DLC1: variants seen among roughly 807,000 people sequenced by gnomAD.
DLC1 encodes rho GTPase-activating protein 7.
In DLC1, 54 loss-of-function variants were observed where a neutral mutation model predicts 140.3. The observed-to-expected ratio is 0.38, with a 90% confidence interval of 0.31 to 0.48. The LOEUF (loss-of-function observed/expected upper bound fraction) is 0.48. Ranked by LOEUF, DLC1 falls within the 20% of genes least tolerant of loss-of-function variation. DLC1 has a pLI of 0.96. For missense variants in DLC1, 2,536 were observed against 1,907.0 expected (o/e 1.33, Z -6.14); for synonymous variants, 986 against 728.1 (o/e 1.35, Z -5.70).
At chr8:13,317,655 G>A (rs569433728) in intron 4 of DLC1, among the ~76,000 whole-genome samples, 20 of 152,236 alleles carry the variant, frequency 1.3e-4, no homozygotes, top group African/African-American at 4.8e-4. Context: ...GGAATGAGGG[G>A]TAGGGAGGGC....
chr8:13,206,401 TTTCTAATACGTC>T (rs1369673370), intron 5 of DLC1, among the ~76,000 whole-genome samples: 1 of 152,170 alleles, frequency 6.6e-6, no homozygotes, highest in Non-Finnish European at 1.5e-5. Context: ...AGCACAGATG[TTTCTAATACGTC>T]TCGGCTTATA....
At chr8:13,287,048 G>A (rs1169761607) in intron 5 of DLC1, among the ~76,000 whole-genome samples, 1 of 152,170 alleles carries the variant, frequency 6.6e-6, no homozygotes, top group Non-Finnish European at 1.5e-5. Flanking sequence ...TCTTTTGTGT[G>A]TATATGTGTT....
chr8:13,418,522 T>G (rs1157985284), intron 2 of DLC1, among the ~76,000 whole-genome samples: 1 of 152,172 alleles, frequency 6.6e-6, no homozygotes, highest in African/African-American at 2.4e-5. Flanking sequence ...ATCAGATAGT[T>G]GTAGATAAGC....
At chr8:13,382,256 C>G (rs1015070653) in intron 4 of DLC1, among the ~76,000 whole-genome samples, 1 of 151,658 alleles carries the variant, frequency 6.6e-6, no homozygotes, top group African/African-American at 2.4e-5. Flanking sequence ...GCCTGTAATC[C>G]CAGCACTTTG....
intron 1 of DLC1, among the ~76,000 whole-genome samples, chr8:13,581,721 G>C (rs1313177454): frequency 6.6e-6 from 1 of 152,148 alleles, no homozygotes; most frequent in African/African-American, 2.4e-5. Flanking sequence ...TTACTGGGCA[G>C]AATCTATTCT....
intron 4 of DLC1, among the ~76,000 whole-genome samples, chr8:13,319,481 G>T (rs112974647): frequency 0.024 from 2,905 of 121,764 alleles, 107 homozygotes; most frequent in African/African-American, 0.082. Context: ...GGGCGGGGGG[G>T]GGGGGTGGAT....
At chr8:13,439,788 C>T (rs1053413011) in intron 2 of DLC1, among the ~76,000 whole-genome samples, 1 of 152,142 alleles carries the variant, frequency 6.6e-6, no homozygotes, top group African/African-American at 2.4e-5. Flanking sequence ...ACCCTCGCTG[C>T]CTATATTTCC....
chr8:13,452,949 C>T (rs940811624), intron 2 of DLC1, among the ~76,000 whole-genome samples: 3 of 152,080 alleles, frequency 2.0e-5, no homozygotes, highest in African/African-American at 7.2e-5. Flanking sequence ...AATTAAATAA[C>T]AATAGTAGCT....
chr8:13,187,291 G>C (rs183786451), intron 5 of DLC1, among the ~76,000 whole-genome samples: 4 of 152,304 alleles, frequency 2.6e-5, no homozygotes, highest in Admixed American at 2.0e-4. Context: ...TTTAGTCACT[G>C]ATGTGTCCCT....
rs1382435951 is a variant in DLC1 at position 13,088,652 on chromosome 8, G to C, written c.4127C>G (p.Ala1376Gly). 6.2e-7 allele frequency: 1 copy of C among 1,614,142 alleles called. No homozygotes were observed. Among genetic ancestry groups the C allele is most frequent in the Non-Finnish European group, 8.5e-7 (1 of 1,180,042 alleles). Residue 1376 changes from alanine (A) to glycine (G), a missense_variant, in exon 16 of 18, where the codon GCT becomes GGT. Transcript: ENST00000276297. ...GCGCTTTAAGATTTCCTCTGGCACA[G>C]CAGGGACTTCAATGACTGACCTCCA... ...RLWRSVIEVP[A>G]VPEEILKRLL...
intron 1 of DLC1, among the ~76,000 whole-genome samples, chr8:13,542,451 C>G (rs571028416): frequency 4.1e-4 from 63 of 152,204 alleles, no homozygotes; most frequent in African/African-American, 1.5e-3. Context: ...ACTATTGTAA[C>G]TGTATATTAA....
intron 1 of DLC1, among the ~76,000 whole-genome samples, chr8:13,532,532 C>G (rs551817746): frequency 1.3e-5 from 2 of 152,296 alleles, no homozygotes; most frequent in Admixed American, 6.5e-5. Flanking sequence ...GTCAGAGTCC[C>G]CACATGGGAA....
At chr8:13,399,516 A>G (rs749235713) in intron 3 of DLC1, among the ~76,000 whole-genome samples, 13 of 152,288 alleles carry the variant, frequency 8.5e-5, no homozygotes, top group Non-Finnish European at 1.6e-4. Context: ...CTTAGCACTC[A>G]CTAAATACTT....
intron 5 of DLC1, among the ~76,000 whole-genome samples, chr8:13,215,837 G>A (rs1008610062): frequency 1.3e-5 from 2 of 152,092 alleles, no homozygotes; most frequent in East Asian, 3.9e-4. Context: ...GGACTAGTGC[G>A]CAAGCCCGTG....
intron 1 of DLC1, among the ~76,000 whole-genome samples, chr8:13,508,197 C>G (rs1802192139): frequency 6.6e-6 from 1 of 152,180 alleles, no homozygotes; most frequent in South Asian, 2.1e-4. Context: ...CAGATACTGG[C>G]AGTGTTTGAC....
Position 13,151,116 on chromosome 8 carries a change from A to T in DLC1, c.1349-35459T>A, listed in dbSNP as rs181490194. ...TTACAAGAGGAGAATGTGAATCCTTATAAAACACGGGTAAAGATCTGTGGG... is the reference window on the plus strand; with the variant it reads ...TTACAAGAGGAGAATGTGAATCCTTTTAAAACACGGGTAAAGATCTGTGGG... On this transcript the variant is annotated intron_variant, in intron 5 of 17. Coordinates refer to ENST00000276297, the MANE Select transcript of DLC1 (RefSeq NM_182643.3). 5.9e-5 allele frequency among the ~76,000 whole-genome samples: 9 copies of T among 152,346 alleles called. No individual in the cohort carries two copies. In the East Asian group the frequency reaches 1.7e-3, roughly 29 times the overall value.
intron 2 of DLC1, among the ~76,000 whole-genome samples, chr8:13,484,838 G>C (rs1397014454): frequency 6.6e-6 from 1 of 151,820 alleles, no homozygotes; most frequent in Admixed American, 6.6e-5. Context: ...GGTACCTACT[G>C]ACCATGACAG....
intron 2 of DLC1, among the ~76,000 whole-genome samples, chr8:13,465,714 A>T (rs891398898): frequency 3.9e-5 from 6 of 152,116 alleles, no homozygotes; most frequent in African/African-American, 1.2e-4. Flanking sequence ...GTTTCTCTAA[A>T]TAGATTTTCT....
chr8:13,572,233 G>A (rs1804683808), intron 1 of DLC1, among the ~76,000 whole-genome samples: 1 of 151,874 alleles, frequency 6.6e-6, no homozygotes, highest in African/African-American at 2.4e-5. Flanking sequence ...GGGACTACAG[G>A]TGCCTGCCAC....
Sources: gnomAD v4.1 joint callset for allele counts (sites outside exome capture counted in the v4.1 genomes callset) on GRCh38, gnomAD v4.1.1 for gene constraint, MANE v1.5 for transcripts, NCBI Gene and HGNC (gene_info 2026-07-23, HGNC 2026-07-21) for gene names.